GRM8: variants seen among roughly 807,000 people sequenced by gnomAD.
The protein encoded by GRM8 is metabotropic glutamate receptor 8.
A neutral mutation model predicts 87.2 loss-of-function variants in GRM8; 47 were observed. The observed-to-expected ratio is 0.54, with a 90% CI of 0.43 to 0.69. The LOEUF (loss-of-function observed/expected upper bound fraction) is 0.69, where lower values mean the gene tolerates loss of function less well. Ranked by LOEUF, GRM8 falls within the 30% of genes least tolerant of loss-of-function variation. The probability of loss-of-function intolerance (pLI) is 0.00; values close to 1 mark genes in which losing one functional copy is unlikely to be tolerated. For missense variants in GRM8, 1,019 were observed against 1,139.2 expected (o/e 0.89, Z 1.52); for synonymous variants, 396 against 404.5 (o/e 0.98, Z 0.25).
chr7:126,651,310 G>A (rs140498701), intron 7 of GRM8, among the ~76,000 whole-genome samples: 42 of 152,320 alleles, frequency 2.8e-4, no homozygotes, highest in African/African-American at 9.9e-4. Flanking sequence ...CAGCTGGATT[G>A]ACAGAATGGC....
chr7:127,105,782 T>G (rs190229771), intron 3 of GRM8, among the ~76,000 whole-genome samples: 28 of 152,342 alleles, frequency 1.8e-4, no homozygotes, highest in African/African-American at 6.7e-4. Context: ...GCAGTTAAGA[T>G]TTGTGCTCTA....
intron 3 of GRM8, among the ~76,000 whole-genome samples, chr7:127,012,873 C>A (rs1386976899): frequency 6.6e-6 from 1 of 152,090 alleles, no homozygotes; most frequent in African/African-American, 2.4e-5. Flanking sequence ...CCAAAATATT[C>A]TCAAGGGTTT....
At chr7:126,821,627 T>C (rs1794309134) in intron 6 of GRM8, among the ~76,000 whole-genome samples, 1 of 152,200 alleles carries the variant, frequency 6.6e-6, no homozygotes, top group African/African-American at 2.4e-5. Flanking sequence ...ATCACTCTCC[T>C]TCCTTTCAGA....
rs144256772 is a variant in GRM8, at chr7:127,226,024, T to C, written c.510+16671A>G. Among the ~76,000 whole-genome samples, 448 of 152,318 alleles carry C rather than the reference T, an allele frequency of 2.9e-3. 4 individuals are homozygous for C. Among genetic ancestry groups the C allele is most frequent in the African/African-American group, 0.01 (424 of 41,568 alleles). ...AATATAAGGGTATTTGTACATTACA[T>C]GTCATTCATTATTTCAAATGTAATT... On this transcript the variant is annotated intron_variant, in intron 2 of 10. Transcript: ENST00000339582.
At chr7:126,680,460 A>C (rs1419266157) in intron 7 of GRM8, among the ~76,000 whole-genome samples, 3 of 152,202 alleles carry the variant, frequency 2.0e-5, no homozygotes, top group Admixed American at 2.0e-4. Context: ...TTATTATATA[A>C]AGTTTGTTTT....
At chr7:126,827,147 C>T (rs931714197) in intron 6 of GRM8, among the ~76,000 whole-genome samples, 7 of 152,014 alleles carry the variant, frequency 4.6e-5, no homozygotes, top group Non-Finnish European at 7.4e-5. Flanking sequence ...AGTCAGGTAG[C>T]GTGATGCCTT....
At chr7:126,999,998 T>C (rs765664761) in intron 3 of GRM8, among the ~76,000 whole-genome samples, 23 of 151,782 alleles carry the variant, frequency 1.5e-4, no homozygotes, top group Non-Finnish European at 2.1e-4. Flanking sequence ...AACCTAAGTG[T>C]CCATCAACAG....
chr7:126,803,154 C>T (rs775100476), intron 6 of GRM8, among the ~76,000 whole-genome samples: 4 of 152,168 alleles, frequency 2.6e-5, no homozygotes, highest in Non-Finnish European at 5.9e-5. Flanking sequence ...TCTGGCTTTT[C>T]ATTGTAAATG....
chr7:127,097,084 G>A (rs1005992913), intron 3 of GRM8, among the ~76,000 whole-genome samples: 2 of 152,040 alleles, frequency 1.3e-5, no homozygotes, highest in African/African-American at 2.4e-5. Flanking sequence ...GGATATTGGG[G>A]GATCTTTCCA....
rs74946723 is a variant in GRM8, at chr7:126,469,809, T to C, written c.2431-23437A>G. ...TGTAAGAAAGGACTAATACAGTAAA[T>C]TGGTACTGGTAGAGTGTGGTACTGC... On this transcript the variant is annotated intron_variant, in intron 9 of 10. Transcript: ENST00000339582. Among the ~76,000 whole-genome samples, 1,427 of 152,200 alleles carry C rather than the reference T, an allele frequency of 9.4e-3. 19 individuals carry two copies. The highest frequency in any genetic ancestry group is 0.032 in the African/African-American group (1,340 of 41,540).
At chr7:126,925,321 G>C (rs1804976449) in intron 3 of GRM8, among the ~76,000 whole-genome samples, 1 of 152,176 alleles carries the variant, frequency 6.6e-6, no homozygotes, top group Admixed American at 6.5e-5. Flanking sequence ...TGAATTTTTA[G>C]AAAGCAGAAT....
intron 3 of GRM8, among the ~76,000 whole-genome samples, chr7:127,053,155 G>A (rs1819655066): frequency 6.6e-6 from 1 of 152,142 alleles, no homozygotes; most frequent in Non-Finnish European, 1.5e-5. Flanking sequence ...TGATATGGTA[G>A]GAAACATATT....
intron 3 of GRM8, among the ~76,000 whole-genome samples, chr7:127,102,483 C>T (rs1365151450): frequency 6.6e-6 from 1 of 152,192 alleles, no homozygotes; most frequent in Non-Finnish European, 1.5e-5. Context: ...GTCCAGGGCC[C>T]CACTGCCCTG....
At chr7:126,490,883 G>A (rs530364690) in intron 9 of GRM8, among the ~76,000 whole-genome samples, 1 of 152,126 alleles carries the variant, frequency 6.6e-6, no homozygotes, top group Non-Finnish European at 1.5e-5. Flanking sequence ...ATTGGAAAAG[G>A]TAATTTAAAG....
At chr7:127,225,211 G>A (rs1199729612) in intron 2 of GRM8, among the ~76,000 whole-genome samples, 1 of 152,186 alleles carries the variant, frequency 6.6e-6, no homozygotes, top group African/African-American at 2.4e-5. Context: ...CTGCTGTTCT[G>A]GGGGTACATC....
At chr7:126,900,530 A>G (rs1165997974) in intron 6 of GRM8, among the ~76,000 whole-genome samples, 1 of 151,848 alleles carries the variant, frequency 6.6e-6, no homozygotes, top group Non-Finnish European at 1.5e-5. Context: ...GTTTTTTTGG[A>G]GATAGAGTCT....
At chr7:126,900,993 G>A (rs1001649794) in intron 6 of GRM8, among the ~76,000 whole-genome samples, 17 of 152,176 alleles carry the variant, frequency 1.1e-4, no homozygotes, top group Non-Finnish European at 2.1e-4. Context: ...GTGTCCTACC[G>A]GTAGAATAAA....
intron 9 of GRM8, chr7:126,511,465 A>G (rs1007249652): frequency 2.0e-5 from 3 of 152,122 alleles, no homozygotes; most frequent in African/African-American, 7.2e-5. Context: ...GTGGTTTTCA[A>G]ATCATTCTTC....
At chr7:126,656,756 G>T (rs1804578021) in intron 7 of GRM8, among the ~76,000 whole-genome samples, 1 of 152,096 alleles carries the variant, frequency 6.6e-6, no homozygotes, top group South Asian at 2.1e-4. Flanking sequence ...GACAGAGAGG[G>T]GTTATTTCTG....
Sources: gnomAD v4.1 joint callset for allele counts (sites outside exome capture counted in the v4.1 genomes callset) on GRCh38, gnomAD v4.1.1 for gene constraint, MANE v1.5 for transcripts, NCBI Gene and HGNC (gene_info 2026-07-23, HGNC 2026-07-21) for gene names.